Variants in HBEGF observed in about 807,000 individuals in gnomAD.
HBEGF encodes heparin binding EGF like growth factor.
A neutral mutation model predicts 19.5 loss-of-function variants in HBEGF; 8 were observed. The observed-to-expected ratio is 0.41, with a 90% CI of 0.24 to 0.74. The LOEUF (loss-of-function observed/expected upper bound fraction) is 0.74. Ranked by LOEUF, HBEGF falls within the 30% of genes least tolerant of loss-of-function variation. The pLI is 0.32. For synonymous variants in HBEGF, 97 were observed against 108.9 expected (o/e 0.89, Z 0.68); for missense variants, 207 against 256.9 (o/e 0.81, Z 1.33).
In HBEGF at chr5:140,334,666, C is replaced by T. The variant is rs1211485307; in HGVS notation, c.*10G>A. On this transcript the variant is annotated 3_prime_UTR_variant, in exon 5 of 6. Transcript: ENST00000230990. ...AAAGGATGGAGCGTTACCTTGAGCA[C>T]AAGTCTCTCTCAGTGGGAATTAGTC... 6 of 1,604,690 alleles carry T rather than the reference C, an allele frequency of 3.7e-6. No individual in the cohort carries two copies. The highest frequency in any genetic ancestry group is 5.1e-6 in the Non-Finnish European group (6 of 1,171,514).
intron 3 of HBEGF, 91 bp downstream of exon 3, chr5:140,342,544 T>C (rs1766329573): frequency 8.1e-7 from 1 of 1,234,452 alleles, no homozygotes; most frequent in Non-Finnish European, 1.2e-6. Context: ...CTGGGTGAAA[T>C]TATGAATTCA....
Position 140,346,357 on chromosome 5 carries a change from C to G in HBEGF, c.-29G>C, listed in dbSNP as rs1397432377. On this transcript the variant is annotated 5_prime_UTR_variant, in exon 1 of 6. Coordinates refer to ENST00000230990, the MANE Select transcript of HBEGF (RefSeq NM_001945.3). The surrounding 1 kb of genome is among the most constrained non-coding windows in gnomAD (Gnocchi z 6.1). ...CCCGCACCGAGAGGAGGCGGCGAGG[C>G]ACCAGTCACTTTCGAAGCGGCGGCC... is the stretch of plus-strand genomic sequence containing the variant. 1 of 1,601,750 alleles carries G rather than the reference C, an allele frequency of 6.2e-7. No homozygotes were observed. The highest frequency in any genetic ancestry group is 8.5e-7 in the Non-Finnish European group (1 of 1,174,890).
At chr5:140,340,925 C>A (rs565209163) in intron 3 of HBEGF, among the ~76,000 whole-genome samples, 1 of 152,292 alleles carries the variant, frequency 6.6e-6, no homozygotes, top group African/African-American at 2.4e-5. Flanking sequence ...TATTTTCTGG[C>A]TCCAGTTTCA....
chr5:140,342,971 AG>A, intron 2 of HBEGF, 159 bp from the exon 3 acceptor site: 1 of 706,878 alleles, frequency 1.4e-6, no homozygotes, highest in South Asian at 1.9e-5. Context: ...AAGGAAGAGC[AG>A]GAAGATTGGG....
intron 4 of HBEGF, chr5:140,334,991 G>A: frequency 3.5e-6 from 2 of 566,586 alleles, no homozygotes; most frequent in South Asian, 4.1e-5. Context: ...ACATCCTTAT[G>A]AGGTAGATGG....
At position 140,342,872 on chromosome 5, in the gene HBEGF, T is replaced by C. The variant is rs1434496363; in HGVS notation, c.221-60A>G. ...CTTTGGGAAGAAAATCAGAAGAGCA[T>C]AGTGCTTGAAAGGAGTATATATGCT... On this transcript the variant is annotated intron_variant, in intron 2 of 5. Transcript: ENST00000230990. 10 of 1,558,874 alleles carry C rather than the reference T, an allele frequency of 6.4e-6. No individual in the cohort carries two copies. The East Asian group carries it at 6.7e-5, about 10-fold the overall frequency.
intron 2 of HBEGF, among the ~76,000 whole-genome samples, chr5:140,343,879 G>A (rs1489169030): frequency 6.6e-6 from 1 of 152,250 alleles, no homozygotes; most frequent in African/African-American, 2.4e-5. Flanking sequence ...GCTCACGCCT[G>A]TAATCCCAAC....
intron 3 of HBEGF, among the ~76,000 whole-genome samples, 183 bp downstream of exon 3, chr5:140,342,452 A>T (rs1766327944): frequency 6.6e-6 from 1 of 152,148 alleles, no homozygotes; most frequent in Admixed American, 6.5e-5. Context: ...AGGAAATTGC[A>T]TCCTATAGGG....
chr5:140,339,395 T>C (rs1766274091), intron 3 of HBEGF, among the ~76,000 whole-genome samples: 1 of 152,114 alleles, frequency 6.6e-6, no homozygotes, highest in South Asian at 2.1e-4. Context: ...ATTTATTTAT[T>C]ATTATTATTT....
chr5:140,343,057 C>T (rs914282575), intron 2 of HBEGF: 2 of 506,606 alleles, frequency 3.9e-6, no homozygotes, highest in African/African-American at 3.8e-5. Flanking sequence ...ATTTCACAGT[C>T]TCTGTGTAAG....
chr5:140,338,840 G>C (rs1342462202), intron 3 of HBEGF, among the ~76,000 whole-genome samples: 3 of 152,108 alleles, frequency 2.0e-5, no homozygotes, highest in Non-Finnish European at 4.4e-5. Flanking sequence ...AACCCTCTAG[G>C]GTCCAGAGAC....
At chr5:140,342,595 G>A in intron 3 of HBEGF, 40 bp downstream of exon 3, 1 of 1,576,756 alleles carries the variant, frequency 6.3e-7, no homozygotes, top group South Asian at 1.1e-5. Context: ...GGCTGACAAA[G>A]TGTGCTGATG....
intron 2 of HBEGF, chr5:140,343,163 C>T: frequency 4.4e-6 from 1 of 226,174 alleles, no homozygotes; most frequent in Non-Finnish European, 8.8e-6. Context: ...TCTCCTACTC[C>T]CCCACACCCA....
intron 3 of HBEGF, among the ~76,000 whole-genome samples, chr5:140,336,828 CTTTTTTTTTT>C (rs1160533557): frequency 7.7e-6 from 1 of 129,814 alleles, no homozygotes; most frequent in Non-Finnish European, 1.6e-5. Context: ...TTTTCTTTTT[CTTTTTTTTTT>C]TTTTTTTTTG....
chr5:140,342,378 T>C (rs1039392873), intron 3 of HBEGF, among the ~76,000 whole-genome samples: 14 of 152,206 alleles, frequency 9.2e-5, no homozygotes, highest in African/African-American at 3.1e-4. Flanking sequence ...CCTAGCCACA[T>C]GCTCATTTCT....
intron 3 of HBEGF, among the ~76,000 whole-genome samples, chr5:140,336,685 A>G (rs562168075): frequency 9.2e-5 from 14 of 152,316 alleles, no homozygotes; most frequent in African/African-American, 3.4e-4. Context: ...GGCCTCTTTC[A>G]TCACAGGACA....
At position 140,335,940 on chromosome 5, in the gene HBEGF, G is replaced by C. The variant is rs1364184888; in HGVS notation, c.486C>G (p.Ile162Met). 6.2e-7 allele frequency: 1 copy of C among 1,614,014 alleles called. No individual in the cohort carries two copies. The highest frequency in any genetic ancestry group is 1.3e-5 in the African/African-American group (1 of 74,902). The stretch of plus-strand genomic sequence containing the variant: ...ACAGCACCACAGCCACCACGGCCAG[G>C]ATGGTTGTGTGGTCATAGGTATATA... ...NRLYTYDHTT[I>M]LAVVAVVLSS... The change falls in exon 4 of 6, where the codon ATC becomes ATG. Residue 162 changes from isoleucine to methionine, a missense_variant. Ile to Met is a conservative substitution (Grantham distance 10, BLOSUM62 1). Around this residue, in one of 3 missense-constraint regions of HBEGF, gnomAD observed 77 missense variants for 106.9 expected, o/e 0.72. Transcript: ENST00000230990.
intron 3 of HBEGF, 134 bp downstream of exon 3, chr5:140,342,501 C>T: frequency 1.2e-6 from 1 of 849,596 alleles, no homozygotes. Flanking sequence ...TATTTCCCCT[C>T]CTCCCAACTT....
Position 140,346,201 on chromosome 5 carries a change from T to C in HBEGF, c.46+82A>G, listed in dbSNP as rs1766397512. 1 of 1,553,134 alleles carries C rather than the reference T, an allele frequency of 6.4e-7. No homozygotes were observed. Among genetic ancestry groups the C allele is most frequent in the African/African-American group, 1.4e-5 (1 of 72,884 alleles). ...GCCCCACCAAGTGGCCCGTGCCGGG[T>C]GCGCTGCGGCGACCTTCCCCCATGC... On this transcript the variant is annotated intron_variant, in intron 1 of 5. Coordinates refer to ENST00000230990, the MANE Select transcript of HBEGF (RefSeq NM_001945.3). This position sits in a 1 kb window ranked among gnomAD's most constrained non-coding sequence, Gnocchi z 6.1.
Sources: allele counts gnomAD v4.1 joint callset (sites outside exome capture counted in the v4.1 genomes callset), GRCh38; gene constraint gnomAD v4.1.1; regional missense constraint gnomAD v4.1.1; non-coding constraint Gnocchi (gnomAD v3.1); transcripts MANE v1.5; gene names NCBI Gene and HGNC (gene_info 2026-07-23, HGNC 2026-07-21).